Variants in VWA5B2 observed in about 807,000 individuals in gnomAD.
VWA5B2 encodes von Willebrand factor A domain-containing protein 5B2.
A neutral mutation model predicts 118.5 loss-of-function variants in VWA5B2; 93 were observed. That is an observed-to-expected ratio of 0.79 (90% CI 0.66 to 0.93). VWA5B2 has a LOEUF of 0.93. Among genes scored for constraint, VWA5B2 ranks in the 40% least tolerant of loss-of-function variants. The pLI, the probability that VWA5B2 is intolerant of heterozygous loss-of-function variation, is 0.00. For synonymous variants in VWA5B2, 708 were observed against 716.3 expected (o/e 0.99, Z 0.19); for missense variants, 1,546 against 1,672.8 (o/e 0.92, Z 1.32).
Position 184,237,197 on chromosome 3 carries a change from C to T in VWA5B2, c.1534-29C>T, listed in dbSNP as rs1190863436. On this transcript the variant is annotated intron_variant, in intron 11 of 19. Transcript: ENST00000691901. This position sits in a 1 kb window ranked among gnomAD's most constrained non-coding sequence, Gnocchi z 5.6. ...GGCCGTATGACACCTCTTTCCTTCCCATGTCTTCCCTGTGGCCACTCCCCA... is the reference window on the plus strand; with the variant it reads ...GGCCGTATGACACCTCTTTCCTTCCTATGTCTTCCCTGTGGCCACTCCCCA... 1 of 1,545,164 alleles carries T rather than the reference C, an allele frequency of 6.5e-7. No individual in the cohort carries two copies. The highest frequency in any genetic ancestry group is 1.2e-5 in the South Asian group (1 of 83,758).
Position 184,242,275 on chromosome 3 carries a change from G to A in VWA5B2, c.*237G>A, listed in dbSNP as rs1718812909. On this transcript the variant is annotated 3_prime_UTR_variant, in exon 20 of 20. Transcript: ENST00000691901. ...TCCTCTGAGCTCCCTGCAACACAGTGGAAGGGTAGAGAGCCACAGTCCCCA... is the reference window on the plus strand; with the variant it reads ...TCCTCTGAGCTCCCTGCAACACAGTAGAAGGGTAGAGAGCCACAGTCCCCA... 3 of 739,882 alleles carry A rather than the reference G, an allele frequency of 4.1e-6. No homozygotes were observed. Among genetic ancestry groups the A allele is most frequent in the Admixed American group, 4.2e-5 (2 of 47,444 alleles). 45.8% of individuals were successfully genotyped at this position (739,882 alleles called of 1,614,324 possible).
At position 184,237,481 on chromosome 3, in the gene VWA5B2, CG is replaced by C; in HGVS notation, c.1719+71del. On this transcript the variant is annotated intron_variant, in intron 12 of 19. Coordinates refer to ENST00000691901, the MANE Select transcript of VWA5B2 (RefSeq NM_001390846.1). The surrounding 1 kb of genome is among the most constrained non-coding windows in gnomAD (Gnocchi z 5.6). ...GGGGGCCTGGGATGGCTGAAGTCCC[CG>C]CATCTCTTCCAAACCCTTTTTCCAT... is the stretch of plus-strand genomic sequence containing the variant. The C allele has an allele frequency of 7.0e-7, 1 of 1,438,450 alleles. No homozygotes were observed. Among genetic ancestry groups the C allele is most frequent in the Non-Finnish European group, 9.4e-7 (1 of 1,067,694 alleles). The allele number at this position is 1,438,450 out of a possible 1,614,324, so 89.1% of individuals were successfully genotyped here.
At position 184,230,507 on chromosome 3, in the gene VWA5B2, G is replaced by A. The variant is rs1330258052; in HGVS notation, c.-22G>A. On this transcript the variant is annotated 5_prime_UTR_variant, in exon 2 of 20. Transcript: ENST00000691901. ...CGCCCAGCTTCCCCGGCCCGTTCCC[G>A]CAGGGCCGGCCTCCCGGCGCCATGC... 6.9e-7 allele frequency: 1 copy of A among 1,439,598 alleles called. No individual in the cohort carries two copies. The allele number at this position is 1,439,598 out of a possible 1,614,324, so 89.2% of individuals were successfully genotyped here.
chr3:184,230,753 T>C lies in VWA5B2; in HGVS notation c.146T>C (p.Phe49Ser). 8.2e-7 allele frequency: 1 copy of C among 1,224,926 alleles called. No homozygotes were observed. Among genetic ancestry groups the C allele is most frequent in the Non-Finnish European group, 1.0e-6 (1 of 984,428 alleles). The allele number at this position is 1,224,926 out of a possible 1,614,324, so 75.9% of individuals were successfully genotyped here. Residue 49 changes from phenylalanine (F) to serine (S), a missense_variant, in exon 3 of 20, where the codon TTC becomes TCC. Coordinates refer to ENST00000691901, the MANE Select transcript of VWA5B2 (RefSeq NM_001390846.1). ...NPQPQPVDGV[F>S]VYPLAEAEVV... ...CTCCCGCCGCCCTCCCCAGGCGTGT[T>C]CGTGTACCCGCTGGCCGAGGCCGAG...
rs937301250 is a variant in VWA5B2 at position 184,233,870 on chromosome 3, G to A, written c.688+137G>A. ...GGACCCCAGCCTCCGGAACATCTGGGTTAGTGGTGGGAGCATCCCCTGGTC... is the reference window on the plus strand; with the variant it reads ...GGACCCCAGCCTCCGGAACATCTGGATTAGTGGTGGGAGCATCCCCTGGTC... On this transcript the variant is annotated intron_variant, in intron 5 of 19. Transcript: ENST00000691901. The surrounding 1 kb of genome is among the most constrained non-coding windows in gnomAD (Gnocchi z 5.2). The A allele has an allele frequency of 8.0e-7, 1 of 1,248,552 alleles. No homozygotes were observed. The highest frequency in any genetic ancestry group is 1.5e-5 in the African/African-American group (1 of 66,266). The allele number at this position is 1,248,552 out of a possible 1,614,324, so 77.3% of individuals were successfully genotyped here.
In VWA5B2 at chr3:184,239,861, G is replaced by C. The variant is rs1374256186; in HGVS notation, c.2565G>C (p.Glu855Asp). 6.4e-7 allele frequency: 1 copy of C among 1,551,706 alleles called. No homozygotes were observed. Among genetic ancestry groups the C allele is most frequent in the Non-Finnish European group, 8.7e-7 (1 of 1,146,984 alleles). Reference protein sequence around the residue: ...GLCGEQPMCWEVGVGLETLWG... With the variant: ...GLCGEQPMCWDVGVGLETLWG... ...GTGGGGAGCAGCCCATGTGCTGGGA[G>C]GTGGGTGTTGGGCTGGAGACACTGT... The change falls in exon 16 of 20, where the codon GAG (glutamate) becomes GAC (aspartate). Residue 855 changes from glutamate to aspartate, a missense_variant. Glu to Asp is a conservative substitution (Grantham distance 45, BLOSUM62 2). Around this residue, in one of 3 missense-constraint regions of VWA5B2, gnomAD observed 763 missense variants for 766.6 expected, o/e 1.00. Transcript: ENST00000691901. The surrounding 1 kb of genome is among the most constrained non-coding windows in gnomAD (Gnocchi z 5.1).
chr3:184,230,619 G>C lies in VWA5B2; in HGVS notation c.91G>C (p.Val31Leu). The C allele has an allele frequency of 7.0e-7, 1 of 1,426,832 alleles. No homozygotes were observed. Among genetic ancestry groups the C allele is most frequent in the Non-Finnish European group, 9.1e-7 (1 of 1,095,832 alleles). 88.4% of individuals were successfully genotyped at this position (1,426,832 alleles called of 1,614,324 possible). A position where few individuals can be genotyped will look rare whatever the true frequency, so the allele number is the denominator to read the frequency against. The stretch of plus-strand genomic sequence containing the variant: ...CTGCGCCAACGGCCCCTGCCTCAGC[G>C]TGCGGGCCCGGCTCACCTACCGCAA... Reference protein sequence around the residue: ...RACANGPCLSVRARLTYRNPQ... With the variant: ...RACANGPCLSLRARLTYRNPQ... The change falls in exon 2 of 20, where the codon GTG becomes CTG. Residue 31 changes from valine (V) to leucine (L), a missense_variant. Val to Leu is a conservative substitution (Grantham distance 32). Coordinates refer to ENST00000691901, the MANE Select transcript of VWA5B2 (RefSeq NM_001390846.1).
chr3:184,240,904 G>A lies in VWA5B2; in HGVS notation c.2854G>A (p.Gly952Arg). 1.3e-6 allele frequency: 2 copies of A among 1,551,626 alleles called. No homozygotes were observed. The highest frequency in any genetic ancestry group is 2.0e-5 in the Admixed American group (1 of 51,006). Residue 952 changes from glycine (G) to arginine (R), a missense_variant, in exon 17 of 20, where the codon GGG becomes AGG. This residue lies in a region of VWA5B2 where 763 missense variants were observed against 766.6 expected (regional missense o/e 1.00). Transcript: ENST00000691901. ...VDATTREVLPGALQVCSSEPA... is the reference protein window; with the variant it reads ...VDATTREVLPRALQVCSSEPA... ...TGCTACTACTAGGGAGGTCCTGCCT[G>A]GGGCCCTGCAGGTGTGCAGCTCAGG...
intron 8 of VWA5B2, 24 bp from the exon 9 acceptor site, chr3:184,236,128 G>A: frequency 3.2e-6 from 5 of 1,547,570 alleles, no homozygotes; most frequent in East Asian, 2.4e-5. Context: ...CCGGCCTCAC[G>A]CCGCCCTCCC....
intron 16 of VWA5B2, chr3:184,240,496 T>C (rs1244835115): frequency 4.3e-6 from 2 of 468,100 alleles, no homozygotes; most frequent in African/African-American, 1.9e-5. Context: ...CCAAGTTTTA[T>C]TAGTGCAGAA....
intron 7 of VWA5B2, 85 bp downstream of exon 7, chr3:184,234,840 G>C: frequency 6.6e-7 from 1 of 1,515,502 alleles, no homozygotes; most frequent in African/African-American, 1.4e-5. Flanking sequence ...CATTGGAATG[G>C]GTGCGGGGAG....
At chr3:184,231,319 A>G (rs1218469633) in intron 3 of VWA5B2, among the ~76,000 whole-genome samples, 2 of 151,960 alleles carry the variant, frequency 1.3e-5, no homozygotes, top group Non-Finnish European at 2.9e-5. Flanking sequence ...TCCTGTGCCT[A>G]GCAGCCAAGG....
rs763607888 is a variant in VWA5B2 at position 184,234,778 on chromosome 3, T to TGGCCC, written c.945+24_945+28dup. On this transcript the variant is annotated intron_variant, in intron 7 of 19. Coordinates refer to ENST00000691901, the MANE Select transcript of VWA5B2 (RefSeq NM_001390846.1). ...CAGGTACCGCCATAGGAGCCTGGCC[T>TGGCCC]GGCCCCTGGCCTTGGCTGCATTTGT... 9.8e-5 allele frequency: 152 copies of TGGCCC among 1,550,870 alleles called. 1 individual carries two copies. The African/African-American group carries it at 1.4e-3, about 14-fold the overall frequency.
At chr3:184,232,980 A>T (rs1449731288) in intron 3 of VWA5B2, 198 bp from the exon 4 acceptor site, 1 of 588,750 alleles carries the variant, frequency 1.7e-6, no homozygotes, top group African/African-American at 1.9e-5. Context: ...TGACAGCCAG[A>T]TCTGTTCACA....
rs1220925791 is a variant in VWA5B2, at chr3:184,236,540, G to A, written c.1410G>A (p.Arg470=). 3 of 1,550,480 alleles carry A rather than the reference G, an allele frequency of 1.9e-6. No individual in the cohort carries two copies. The highest frequency in any genetic ancestry group is 2.6e-6 in the Non-Finnish European group (3 of 1,146,956). Reference sequence around the variant, plus strand: ...CCCTGGAGCTCATGAGGTGGCACAGGGGGACAGCCAGGTATGGGATGGGCA... The same window carrying A: ...CCCTGGAGCTCATGAGGTGGCACAGAGGGACAGCCAGGTATGGGATGGGCA... ...HRTLELMRWH[R]GTARCFSFGL... Residue 470 remains arginine (R), a synonymous_variant, in exon 10 of 20, where the codon AGG becomes AGA. Transcript: ENST00000691901.
rs1246353250 is a variant in VWA5B2, at chr3:184,233,273, A to G, written c.406A>G (p.Ser136Gly). 6 of 1,545,360 alleles carry G rather than the reference A, an allele frequency of 3.9e-6. No homozygotes were observed. The South Asian group carries it at 7.2e-5, about 19-fold the overall frequency. Residue 136 changes from serine (S) to glycine (G), a missense_variant, in exon 4 of 20, where the codon AGC becomes GGC. By Grantham distance (56) the Ser-to-Gly change is moderately conservative. Transcript: ENST00000691901. This position sits in a 1 kb window ranked among gnomAD's most constrained non-coding sequence, Gnocchi z 5.2. ...AAGTMTVTLH[S>G]SRELPSRPDG... ...TGGCACCATGACGGTGACCCTGCACAGCAGCCGGGAGCTGCCCTCAAGGCC... is the reference window on the plus strand; with the variant it reads ...TGGCACCATGACGGTGACCCTGCACGGCAGCCGGGAGCTGCCCTCAAGGCC...
Position 184,230,619 on chromosome 3 carries a change from G to A in VWA5B2, c.91G>A (p.Val31Met), listed in dbSNP as rs1422423997. 1 of 1,426,832 alleles carries A rather than the reference G, an allele frequency of 7.0e-7. No individual in the cohort carries two copies. The highest frequency in any genetic ancestry group is 9.1e-7 in the Non-Finnish European group (1 of 1,095,832). 88.4% of individuals were successfully genotyped at this position (1,426,832 alleles called of 1,614,324 possible). ...RACANGPCLS[V>M]RARLTYRNPQ... ...CTGCGCCAACGGCCCCTGCCTCAGC[G>A]TGCGGGCCCGGCTCACCTACCGCAA... is the stretch of plus-strand genomic sequence containing the variant. Residue 31 changes from valine (V) to methionine (M), a missense_variant, in exon 2 of 20, where the codon GTG becomes ATG. Val to Met is a conservative substitution (Grantham distance 21, BLOSUM62 1). Transcript: ENST00000691901.
rs532793348 is a variant in VWA5B2 at position 184,239,074 on chromosome 3, T to C, written c.2202+201T>C. ...GGCTTAAAGTCAGGGTGACTAATTC[T>C]GCCTGAGAGAGTCAGGAAAGTCAGA... On this transcript the variant is annotated intron_variant, in intron 14 of 19. Transcript: ENST00000691901. This position sits in a 1 kb window ranked among gnomAD's most constrained non-coding sequence, Gnocchi z 5.1. Among the ~76,000 whole-genome samples, 10 of 152,284 alleles carry C rather than the reference T, an allele frequency of 6.6e-5. No individual in the cohort carries two copies. The East Asian group carries it at 1.7e-3, about 26-fold the overall frequency.
chr3:184,237,509 C>A lies in VWA5B2; in HGVS notation c.1719+98C>A, dbSNP rs1718130682. On this transcript the variant is annotated intron_variant, in intron 12 of 19. Coordinates refer to ENST00000691901, the MANE Select transcript of VWA5B2 (RefSeq NM_001390846.1). The surrounding 1 kb of genome is among the most constrained non-coding windows in gnomAD (Gnocchi z 5.6). ...ATCTCTTCCAAACCCTTTTTCCATT[C>A]TCTGTGCCTCTCTCTACCAAGCTTC... The A allele has an allele frequency of 7.9e-7, 1 of 1,258,274 alleles. No homozygotes were observed. Among genetic ancestry groups the A allele is most frequent in the African/African-American group, 1.5e-5 (1 of 66,816 alleles). The allele number at this position is 1,258,274 out of a possible 1,614,324, so 77.9% of individuals were successfully genotyped here. A position where few individuals can be genotyped will look rare whatever the true frequency, so the allele number is the denominator to read the frequency against.
Sources: allele counts gnomAD v4.1 joint callset (sites outside exome capture counted in the v4.1 genomes callset), GRCh38; gene constraint gnomAD v4.1.1; regional missense constraint gnomAD v4.1.1; non-coding constraint Gnocchi (gnomAD v3.1); transcripts MANE v1.5; gene names NCBI Gene and HGNC (gene_info 2026-07-23, HGNC 2026-07-21).